PTPRD: variants seen among roughly 807,000 people sequenced by gnomAD.
The protein encoded by PTPRD is receptor-type tyrosine-protein phosphatase delta.
PTPRD carries 34 observed loss-of-function variants against 214.5 expected under a neutral mutation model. That is an observed-to-expected ratio of 0.16 (90% CI 0.12 to 0.21). PTPRD has a LOEUF of 0.21. Among genes scored for constraint, PTPRD ranks in the 10% least tolerant of loss-of-function variants. The pLI, the probability that PTPRD is intolerant of heterozygous loss-of-function variation, is 1.00. For missense variants in PTPRD, 2,545 were observed against 2,398.7 expected (o/e 1.06, Z -1.27); for synonymous variants, 1,128 against 845.7 (o/e 1.33, Z -5.79).
intron 10 of PTPRD, among the ~76,000 whole-genome samples, chr9:9,071,332 T>G (rs1489915752): frequency 6.6e-6 from 1 of 152,138 alleles, no homozygotes; most frequent in Non-Finnish European, 1.5e-5. Context: ...GATATGCAAT[T>G]TAGATGCCAA....
intron 14 of PTPRD, among the ~76,000 whole-genome samples, chr9:8,618,907 T>TG: frequency 1.0e-5 from 1 of 96,334 alleles, no homozygotes; most frequent in African/African-American, 4.2e-5. Context: ...TTTGTCTGTG[T>TG]TTTTTTGTTT....
chr9:10,542,982 C>T (rs2059446417), intron 2 of PTPRD, among the ~76,000 whole-genome samples: 2 of 152,234 alleles, frequency 1.3e-5, no homozygotes, highest in East Asian at 1.9e-4. Context: ...AACTCCCAAC[C>T]TCAGGTGATG....
At chr9:8,796,727 A>C (rs2096436428) in intron 11 of PTPRD, among the ~76,000 whole-genome samples, 1 of 152,100 alleles carries the variant, frequency 6.6e-6, no homozygotes, top group Non-Finnish European at 1.5e-5. Flanking sequence ...CTAAACATGG[A>C]AGCTCTAATC....
At chr9:9,180,932 G>T (rs1341490836) in intron 10 of PTPRD, among the ~76,000 whole-genome samples, 1 of 152,032 alleles carries the variant, frequency 6.6e-6, no homozygotes, top group Non-Finnish European at 1.5e-5. Flanking sequence ...TTTCTTAAGT[G>T]GCAAAAATCA....
At chr9:10,338,240 G>A (rs1284121295) in intron 3 of PTPRD, among the ~76,000 whole-genome samples, 4 of 151,616 alleles carry the variant, frequency 2.6e-5, no homozygotes, top group African/African-American at 7.3e-5. Flanking sequence ...GTCATGTATA[G>A]TAAGTGCTAT....
At chr9:8,549,214 G>A (rs905010259) in intron 14 of PTPRD, among the ~76,000 whole-genome samples, 4 of 152,138 alleles carry the variant, frequency 2.6e-5, no homozygotes, top group South Asian at 2.1e-4. Context: ...GACGCATACT[G>A]GAGAAACATT....
intron 3 of PTPRD, among the ~76,000 whole-genome samples, chr9:10,279,739 A>T (rs1029308154): frequency 6.6e-6 from 1 of 151,596 alleles, no homozygotes; most frequent in African/African-American, 2.4e-5. Context: ...CCTCTGAGCG[A>T]CAGTTAAAAT....
chr9:9,150,242 G>C (rs1361587990), intron 10 of PTPRD, among the ~76,000 whole-genome samples: 1 of 151,874 alleles, frequency 6.6e-6, no homozygotes, highest in African/African-American at 2.4e-5. Context: ...GTATGTATGA[G>C]AAACCACAAT....
rs376464964 is a variant in PTPRD at position 9,430,912 on chromosome 9, T to C, written c.-236-33430A>G. ...TATACAAAAATTAATTCAAGATGGA[T>C]TAAAGACTTAAATTTCAGACCTAAA... is the stretch of plus-strand genomic sequence containing the variant. On this transcript the variant is annotated intron_variant, in intron 8 of 45. Coordinates refer to ENST00000381196, the MANE Select transcript of PTPRD (RefSeq NM_002839.4). Among the ~76,000 whole-genome samples, 109 of 152,282 alleles carry C rather than the reference T, an allele frequency of 7.2e-4. 2 individuals are homozygous for C. The East Asian group carries it at 0.02, about 28-fold the overall frequency.
intron 6 of PTPRD, among the ~76,000 whole-genome samples, chr9:9,745,267 T>C (rs1288090351): frequency 2.6e-5 from 4 of 152,108 alleles, no homozygotes; most frequent in Non-Finnish European, 5.9e-5. Context: ...GGAAACAAAA[T>C]AGCCTTAAAT....
chr9:9,770,499 G>A (rs2098743634), intron 5 of PTPRD, among the ~76,000 whole-genome samples: 1 of 152,090 alleles, frequency 6.6e-6, no homozygotes, highest in African/African-American at 2.4e-5. Context: ...TCAGTGCCTT[G>A]AAATAAAACT....
At chr9:10,310,611 G>C (rs1405208867) in intron 3 of PTPRD, among the ~76,000 whole-genome samples, 1 of 152,072 alleles carries the variant, frequency 6.6e-6, no homozygotes, top group Non-Finnish European at 1.5e-5. Context: ...AGGAATAATG[G>C]AAATTTGGAT....
chr9:9,839,957 T>C (rs2057872816), intron 5 of PTPRD, among the ~76,000 whole-genome samples: 1 of 152,160 alleles, frequency 6.6e-6, no homozygotes, highest in African/African-American at 2.4e-5. Context: ...ATATAAATAG[T>C]ACTAAAAATA....
At chr9:9,960,897 T>C (rs1237362791) in intron 4 of PTPRD, among the ~76,000 whole-genome samples, 1 of 152,098 alleles carries the variant, frequency 6.6e-6, no homozygotes, top group African/African-American at 2.4e-5. Context: ...GAGAAAATTT[T>C]TGCAATCTAC....
At chr9:8,734,036 A>G (rs2098690304) in intron 11 of PTPRD, 90 bp from the exon 12 acceptor site, 3 of 600,352 alleles carry the variant, frequency 5.0e-6, no homozygotes, top group Non-Finnish European at 8.9e-6. Flanking sequence ...CATCACAATC[A>G]CCATGACAGA....
intron 14 of PTPRD, among the ~76,000 whole-genome samples, chr9:8,562,713 A>T (rs543941902): frequency 6.6e-6 from 1 of 152,194 alleles, no homozygotes; most frequent in Non-Finnish European, 1.5e-5. Flanking sequence ...CCAGGATTAC[A>T]GGCCTGAGCC....
intron 12 of PTPRD, among the ~76,000 whole-genome samples, chr9:8,707,965 G>T (rs771089083): frequency 5.9e-5 from 9 of 152,018 alleles, no homozygotes; most frequent in Non-Finnish European, 1.3e-4. Flanking sequence ...GCTTTTAGGG[G>T]AACTTCAAAC....
chr9:10,002,687 G>GA (rs147460939), intron 4 of PTPRD, among the ~76,000 whole-genome samples: 3,754 of 139,604 alleles, frequency 0.027, 181 homozygotes, highest in African/African-American at 0.091. Flanking sequence ...CAAAATACTT[G>GA]AAAAAAAAAA....
At chr9:10,603,584 C>A (rs2078526118) in intron 2 of PTPRD, among the ~76,000 whole-genome samples, 1 of 151,860 alleles carries the variant, frequency 6.6e-6, no homozygotes, top group African/African-American at 2.4e-5. Flanking sequence ...CTTTAGTTTT[C>A]TCATTTATAA....
Sources: gnomAD v4.1 joint callset for allele counts (sites outside exome capture counted in the v4.1 genomes callset) on GRCh38, gnomAD v4.1.1 for gene constraint, MANE v1.5 for transcripts, NCBI Gene and HGNC (gene_info 2026-07-23, HGNC 2026-07-21) for gene names.